WDR36: variants seen among roughly 807,000 people sequenced by gnomAD.
WDR36 encodes the protein WD repeat domain 36.
A neutral mutation model predicts 112.7 loss-of-function variants in WDR36; 63 were observed. That is an observed-to-expected ratio of 0.56 (90% CI 0.46 to 0.69). The LOEUF is 0.69. Among genes scored for constraint, WDR36 ranks in the 30% least tolerant of loss-of-function variants. The pLI is 0.00. For synonymous variants in WDR36, 410 were observed against 362.2 expected (o/e 1.13, Z -1.50); for missense variants, 1,226 against 1,070.3 (o/e 1.15, Z -2.03).
chr5:111,124,102 T>C lies in WDR36; in HGVS notation c.2269-6T>C. 6.2e-7 allele frequency: 1 copy of C among 1,612,786 alleles called. No homozygotes were observed. The highest frequency in any genetic ancestry group is 1.1e-5 in the South Asian group (1 of 90,948). ...TTTGAATAATGTGTATTTGTTTTTG[T>C]TTAAGTCTAAAGTGGTAAATCTTGG... On this transcript the variant is annotated splice_region_variant and splice_polypyrimidine_tract_variant and intron_variant, in intron 20 of 22. Transcript: ENST00000513710.
At chr5:111,101,942 A>C (rs936060845) in intron 5 of WDR36, among the ~76,000 whole-genome samples, 3 of 151,836 alleles carry the variant, frequency 2.0e-5, no homozygotes, top group Admixed American at 6.6e-5. Context: ...AATTGAGAGC[A>C]GCATTACTGT....
Position 111,106,093 on chromosome 5 carries a change from T to C in WDR36, c.1130T>C (p.Leu377Pro). 6.2e-7 allele frequency: 1 copy of C among 1,610,062 alleles called. No homozygotes were observed. The highest frequency in any genetic ancestry group is 1.1e-5 in the South Asian group (1 of 90,990). Reference sequence around the variant, plus strand: ...AAAAAGAGAGTTAAACGTAAAGGACTTCAGAATACCATGTCAGTGAGACTT... The same window carrying C: ...AAAAAGAGAGTTAAACGTAAAGGACCTCAGAATACCATGTCAGTGAGACTT... ...INKKRVKRKG[L>P]QNTMSVRLPP... is the part of the protein sequence containing the mutation. The change falls in exon 11 of 23, where the codon CTT (leucine) becomes CCT (proline). Residue 377 changes from leucine to proline, a missense_variant. Coordinates refer to ENST00000513710, the MANE Select transcript of WDR36 (RefSeq NM_139281.3).
chr5:111,126,720 A>G lies in WDR36; in HGVS notation c.2539-14A>G, dbSNP rs1423675933. On this transcript the variant is annotated splice_polypyrimidine_tract_variant and intron_variant, in intron 22 of 22. Transcript: ENST00000513710. ...ATTTTCTTAAATGTTCAATCATCAT[A>G]TTTTTCTTTGCAGTTACACCTTAAA... The G allele has an allele frequency of 1.9e-6, 3 of 1,612,646 alleles. No individual in the cohort carries two copies. The highest frequency in any genetic ancestry group is 1.3e-5 in the African/African-American group (1 of 74,850).
chr5:111,094,923 C>A lies in WDR36; in HGVS notation c.166C>A (p.Gln56Lys). 1 of 1,604,704 alleles carries A rather than the reference C, an allele frequency of 6.2e-7. No homozygotes were observed. Among genetic ancestry groups the A allele is most frequent in the South Asian group, 1.1e-5 (1 of 89,950 alleles). Residue 56 changes from glutamine (Q) to lysine (K), a missense_variant, in exon 2 of 23, where the codon CAG becomes AAG. Transcript: ENST00000513710. ...ACCTTTTTTCTTTTTTAAACAGGTTCAGAAACTTAGTCTGGTTGCAGTAAG... is the reference window on the plus strand; with the variant it reads ...ACCTTTTTTCTTTTTTAAACAGGTTAAGAAACTTAGTCTGGTTGCAGTAAG... ...VGKSFHTYDV[Q>K]KLSLVAVSNS...
At chr5:111,118,382 T>C (rs73226356) in intron 16 of WDR36, among the ~76,000 whole-genome samples, 3,586 of 152,296 alleles carry the variant, frequency 0.024, 140 homozygotes, top group African/African-American at 0.082. Context: ...GGTTTGTGGT[T>C]ACTCTCCCTT....
chr5:111,125,206 A>G (rs1317324909), intron 21 of WDR36, among the ~76,000 whole-genome samples: 1 of 152,178 alleles, frequency 6.6e-6, no homozygotes, highest in Non-Finnish European at 1.5e-5. Context: ...AAGAAAAATT[A>G]TTTTACCTCA....
At position 111,100,827 on chromosome 5, in the gene WDR36, G is replaced by T. The variant is rs530607916; in HGVS notation, c.542+106G>T. 1.3e-5 allele frequency: 15 copies of T among 1,197,176 alleles called. No homozygotes were observed. The East Asian group carries it at 3.6e-4, about 28-fold the overall frequency. 74.2% of individuals were successfully genotyped at this position (1,197,176 alleles called of 1,614,324 possible). A position where few individuals can be genotyped will look rare whatever the true frequency, so the allele number is the denominator to read the frequency against. On this transcript the variant is annotated intron_variant, in intron 5 of 22. Transcript: ENST00000513710. ...TCTCCCTGCCCTTGTATATTTATTT[G>T]GAGGGTTGTCTATAAATAACAGTTG...
chr5:111,127,998 T>G lies in WDR36; in HGVS notation c.*1115T>G, dbSNP rs1753709432. 1 of 202,790 alleles carries G rather than the reference T, an allele frequency of 4.9e-6. No homozygotes were observed. Among genetic ancestry groups the G allele is most frequent in the South Asian group, 1.9e-4 (1 of 5,242 alleles). 12.6% of individuals were successfully genotyped at this position (202,790 alleles called of 1,614,324 possible). ...TTTGGGAAGAAAATGCTGAGTATAC[T>G]TTTCTTTCACAACCATTGCAAACCC... On this transcript the variant is annotated 3_prime_UTR_variant, in exon 23 of 23. Coordinates refer to ENST00000513710, the MANE Select transcript of WDR36 (RefSeq NM_139281.3).
At chr5:111,097,228 G>T (rs1364155512) in intron 3 of WDR36, 49 bp downstream of exon 3, 2 of 1,344,370 alleles carry the variant, frequency 1.5e-6, no homozygotes, top group African/African-American at 1.4e-5. Context: ...TGTTTGTCAT[G>T]ATAGTGGAGG....
rs778072785 is a variant in WDR36, at chr5:111,092,479, G to A, written c.23G>A (p.Arg8His). 1.2e-6 allele frequency: 2 copies of A among 1,614,114 alleles called. No homozygotes were observed. The highest frequency in any genetic ancestry group is 2.2e-5 in the East Asian group (1 of 44,902). ...GCAATGGAACGGGCCTCAGAAAGGC[G>A]CACGGCCAGCGCGCTTTTTGCGGGG... MERASER[R>H]TASALFAGFR... is the part of the protein sequence containing the mutation. The change falls in exon 1 of 23, where the codon CGC (arginine) becomes CAC (histidine). Residue 8 changes from arginine to histidine, a missense_variant. Physicochemically the swap from Arg to His is conservative, Grantham distance 29 (BLOSUM62 0). Transcript: ENST00000513710.
Position 111,099,798 on chromosome 5 carries a change from CTG to C in WDR36, c.410-788_410-787del, listed in dbSNP as rs1308719812. Among the ~76,000 whole-genome samples, 4 of 152,116 alleles carry C rather than the reference CTG, an allele frequency of 2.6e-5. No homozygotes were observed. In the East Asian group the frequency reaches 7.7e-4, roughly 29 times the overall value. On this transcript the variant is annotated intron_variant, in intron 4 of 22. Transcript: ENST00000513710. ...TTCACCTATACCTGTACATCCTAAA[CTG>C]TGGTACCCATACCCTGGGATTGTAC...
intron 6 of WDR36, among the ~76,000 whole-genome samples, chr5:111,102,961 G>T (rs1406356380): frequency 1.3e-5 from 2 of 151,476 alleles, no homozygotes; most frequent in Non-Finnish European, 3.0e-5. Context: ...AGTATCCATT[G>T]TCTATACTTG....
chr5:111,104,371 A>T lies in WDR36; in HGVS notation c.906+19A>T. The T allele has an allele frequency of 6.2e-7, 1 of 1,611,464 alleles. No individual in the cohort carries two copies. The highest frequency in any genetic ancestry group is 1.1e-5 in the South Asian group (1 of 91,048). On this transcript the variant is annotated intron_variant, in intron 8 of 22. Transcript: ENST00000513710. ...TCTTAGGGTATTATGATTATTGTTA[A>T]CATCTTCCTGGCTCATCTAACTTAC...
At chr5:111,111,010 G>C (rs1161814706) in intron 14 of WDR36, 57 bp downstream of exon 14, 3 of 1,598,548 alleles carry the variant, frequency 1.9e-6, no homozygotes, top group Non-Finnish European at 2.6e-6. Flanking sequence ...AAGTCATAAA[G>C]TCACAATTTA....
In WDR36 at chr5:111,119,049, C is replaced by T; in HGVS notation, c.1833C>T (p.Leu611=). The change falls in exon 17 of 23, where the codon CTC becomes CTT. Residue 611 remains leucine (L), a synonymous_variant. Transcript: ENST00000513710. ...IDCFLLDSAP[L]NVSMSPTGDF... is the part of the protein sequence containing the mutation. ...GCTTTTTGTTGGACTCGGCTCCTCT[C>T]AATGTTTCTATGTCTCCTACTGGAG... The T allele has an allele frequency of 6.2e-7, 1 of 1,613,612 alleles. No individual in the cohort carries two copies. Among genetic ancestry groups the T allele is most frequent in the Non-Finnish European group, 8.5e-7 (1 of 1,179,634 alleles).
At chr5:111,103,281 A>G (rs1342113459) in intron 6 of WDR36, among the ~76,000 whole-genome samples, 1 of 151,786 alleles carries the variant, frequency 6.6e-6, no homozygotes, top group Non-Finnish European at 1.5e-5. Flanking sequence ...ATAGAATATT[A>G]GAACTGGAAC....
chr5:111,114,364 G>A (rs1417124227), intron 16 of WDR36, among the ~76,000 whole-genome samples: 1 of 152,160 alleles, frequency 6.6e-6, no homozygotes, highest in Non-Finnish European at 1.5e-5. Context: ...CCCAAATTAA[G>A]CTCTGTTCAC....
At chr5:111,120,184 TTAAA>T (rs1388289748) in intron 17 of WDR36, among the ~76,000 whole-genome samples, 1 of 152,138 alleles carries the variant, frequency 6.6e-6, no homozygotes, top group African/African-American at 2.4e-5. Context: ...TTTAATTTCC[TTAAA>T]TAAAGGTTGA....
intron 19 of WDR36, among the ~76,000 whole-genome samples, chr5:111,123,375 C>G (rs907721666): frequency 6.6e-6 from 1 of 152,050 alleles, no homozygotes; most frequent in Non-Finnish European, 1.5e-5. Flanking sequence ...CTCCAAAGTT[C>G]CTTTGGAGAA....
Sources: allele counts gnomAD v4.1 joint callset (sites outside exome capture counted in the v4.1 genomes callset), GRCh38; gene constraint gnomAD v4.1.1; transcripts MANE v1.5; gene names NCBI Gene and HGNC (gene_info 2026-07-23, HGNC 2026-07-21).